The following SLC35F4 variants were observed in gnomAD, a reference collection of about 807,000 sequenced individuals.
SLC35F4 encodes the protein chromosome 14 open reading frame 36.
SLC35F4 carries 24 observed loss-of-function variants against 44.2 expected under a neutral mutation model. The observed-to-expected ratio is 0.54, with a 90% CI of 0.39 to 0.76. The LOEUF is 0.76. Among genes scored for constraint, SLC35F4 ranks in the 30% least tolerant of loss-of-function variants. The pLI is 0.00. For missense variants in SLC35F4, 562 were observed against 586.1 expected (o/e 0.96, Z 0.42); for synonymous variants, 238 against 223.6 (o/e 1.06, Z -0.57).
At chr14:57,726,511 C>T (rs2076206919) in intron 1 of SLC35F4, among the ~76,000 whole-genome samples, 1 of 152,092 alleles carries the variant, frequency 6.6e-6, no homozygotes, top group East Asian at 1.9e-4. Context: ...ATTTCCTTTT[C>T]CTTTATCACA....
intron 1 of SLC35F4, among the ~76,000 whole-genome samples, chr14:57,948,985 G>A (rs1291352269): frequency 2.0e-5 from 3 of 152,036 alleles, no homozygotes; most frequent in Non-Finnish European, 4.4e-5. Context: ...TGTTCTATGT[G>A]CTGATGAAAA....
chr14:57,693,363 T>C (rs1240811910), intron 1 of SLC35F4, among the ~76,000 whole-genome samples: 1 of 152,202 alleles, frequency 6.6e-6, no homozygotes, highest in Non-Finnish European at 1.5e-5. Flanking sequence ...CACTGTGACA[T>C]GTTCGTGATG....
chr14:57,648,106 G>A (rs1041387970), intron 1 of SLC35F4, among the ~76,000 whole-genome samples: 5 of 152,106 alleles, frequency 3.3e-5, no homozygotes, highest in South Asian at 2.1e-4. Context: ...CTTCTAGCAC[G>A]ATTTCTTTAA....
intron 2 of SLC35F4, among the ~76,000 whole-genome samples, chr14:57,593,305 G>A (rs2070303571): frequency 6.6e-6 from 1 of 152,176 alleles, no homozygotes; most frequent in Non-Finnish European, 1.5e-5. Flanking sequence ...GGACCCAGCT[G>A]CATTTAAAAA....
intron 1 of SLC35F4, among the ~76,000 whole-genome samples, chr14:57,862,534 A>G (rs867115954): frequency 6.6e-6 from 1 of 152,030 alleles, no homozygotes; most frequent in Non-Finnish European, 1.5e-5. Context: ...CACTTTCCCA[A>G]TTGTTCACTC....
At chr14:57,599,661 A>C (rs916116983) in intron 1 of SLC35F4, among the ~76,000 whole-genome samples, 4 of 151,944 alleles carry the variant, frequency 2.6e-5, no homozygotes, top group Non-Finnish European at 5.9e-5. Flanking sequence ...GACCAACATG[A>C]TGAAACCCCG....
At chr14:57,576,609 A>G (rs753876742) in intron 4 of SLC35F4, among the ~76,000 whole-genome samples, 2 of 152,134 alleles carry the variant, frequency 1.3e-5, no homozygotes, top group Non-Finnish European at 2.9e-5. Flanking sequence ...CTCAGATTCA[A>G]TTAAACTGAA....
chr14:57,932,804 A>G (rs1202813177), intron 1 of SLC35F4, among the ~76,000 whole-genome samples: 2 of 152,022 alleles, frequency 1.3e-5, no homozygotes, highest in African/African-American at 2.4e-5. Context: ...AGCCGAGGTC[A>G]TACCACTGCA....
intron 1 of SLC35F4, among the ~76,000 whole-genome samples, chr14:57,655,191 GTCCT>G (rs992465344): frequency 6.6e-6 from 1 of 151,958 alleles, no homozygotes; most frequent in African/African-American, 2.4e-5. Context: ...ACCCTACTCA[GTCCT>G]TCCTTTTTTT....
chr14:57,650,412 A>C (rs953169329), intron 1 of SLC35F4, among the ~76,000 whole-genome samples: 2 of 152,112 alleles, frequency 1.3e-5, no homozygotes, highest in African/African-American at 4.8e-5. Flanking sequence ...TAGCATCACC[A>C]TCCAACCAGT....
chr14:57,935,306 A>G (rs1889776901), intron 1 of SLC35F4, among the ~76,000 whole-genome samples: 1 of 152,250 alleles, frequency 6.6e-6, no homozygotes, highest in Admixed American at 6.5e-5. Flanking sequence ...CAGAAACAGG[A>G]GAACTAGGGA....
At chr14:57,768,806 G>A (rs186464856) in intron 1 of SLC35F4, among the ~76,000 whole-genome samples, 77 of 152,026 alleles carry the variant, frequency 5.1e-4, no homozygotes, top group East Asian at 3.1e-3. Flanking sequence ...AGGCTAGAGC[G>A]CAGTAGCGCA....
chr14:57,897,547 CA>C (rs1013438252), intron 1 of SLC35F4, among the ~76,000 whole-genome samples: 3 of 151,872 alleles, frequency 2.0e-5, no homozygotes, highest in Non-Finnish European at 4.4e-5. Context: ...CCCTCCACCC[CA>C]ATGTGTGGCT....
intron 1 of SLC35F4, among the ~76,000 whole-genome samples, chr14:57,933,458 TCAC>T (rs1394710812): frequency 6.6e-6 from 1 of 152,152 alleles, no homozygotes; most frequent in East Asian, 1.9e-4. Flanking sequence ...AGAGACCAAG[TCAC>T]TACTTGGTCT....
At chr14:57,798,896 G>T (rs28573137) in intron 1 of SLC35F4, among the ~76,000 whole-genome samples, 1,802 of 152,248 alleles carry the variant, frequency 0.012, 32 homozygotes, top group African/African-American at 0.041. Context: ...AAGCAGAGAA[G>T]ATAAGCTCCA....
chr14:57,683,452 C>T (rs554621119), intron 1 of SLC35F4, among the ~76,000 whole-genome samples: 8 of 147,634 alleles, frequency 5.4e-5, no homozygotes, highest in African/African-American at 1.9e-4. Context: ...ATTTTAGGAT[C>T]GCCTTTTCCC....
At chr14:57,754,074 T>A (rs1214634853) in intron 1 of SLC35F4, among the ~76,000 whole-genome samples, 1 of 149,922 alleles carries the variant, frequency 6.7e-6, no homozygotes, top group Non-Finnish European at 1.5e-5. Context: ...AGAGATAAGA[T>A]CCTTTACAAT....
intron 1 of SLC35F4, among the ~76,000 whole-genome samples, chr14:57,780,522 T>G (rs1417818148): frequency 6.6e-6 from 1 of 152,026 alleles, no homozygotes; most frequent in African/African-American, 2.4e-5. Flanking sequence ...CTGAAGAAAT[T>G]TACAGATTCA....
chr14:57,681,905 C>T (rs2074917584), intron 1 of SLC35F4, among the ~76,000 whole-genome samples: 1 of 151,410 alleles, frequency 6.6e-6, no homozygotes, highest in African/African-American at 2.5e-5. Context: ...AGCTCATCAT[C>T]ACTGGACATT....
Sources: gnomAD v4.1 joint callset for allele counts (sites outside exome capture counted in the v4.1 genomes callset) on GRCh38, gnomAD v4.1.1 for gene constraint, MANE v1.5 for transcripts, NCBI Gene and HGNC (gene_info 2026-07-23, HGNC 2026-07-21) for gene names.